Variants in NOS1AP observed in about 807,000 individuals in gnomAD.
The protein encoded by NOS1AP is nitric oxide synthase 1 adaptor protein, also known as carboxyl-terminal PDZ ligand of neuronal nitric oxide synthase protein.
A neutral mutation model predicts 56.2 loss-of-function variants in NOS1AP; 21 were observed. The ratio of observed to expected loss-of-function variants is 0.37; its 90% CI spans 0.26 to 0.54. NOS1AP has a LOEUF of 0.54. Among genes scored for constraint, NOS1AP ranks in the 20% least tolerant of loss-of-function variants. The pLI, the probability that NOS1AP is intolerant of heterozygous loss-of-function variation, is 0.84. For synonymous variants in NOS1AP, 270 were observed against 274.6 expected (o/e 0.98, Z 0.17); for missense variants, 522 against 657.8 (o/e 0.79, Z 2.26).
intron 4 of NOS1AP, among the ~76,000 whole-genome samples, chr1:162,321,731 A>AAAAAAATATAT (rs1480278757): frequency 4.7e-5 from 6 of 128,494 alleles, no homozygotes; most frequent in African/African-American, 1.4e-4. Context: ...AAAAAAAAAA[A>AAAAAAATATAT]ATATATATAT....
chr1:162,308,127 G>A (rs367864478), intron 4 of NOS1AP, among the ~76,000 whole-genome samples: 2 of 152,212 alleles, frequency 1.3e-5, no homozygotes, highest in Non-Finnish European at 2.9e-5. Context: ...ACTCAAGGCA[G>A]CACAAATTTG....
chr1:162,088,367 G>A (rs1239113766), intron 1 of NOS1AP, among the ~76,000 whole-genome samples: 6 of 152,158 alleles, frequency 3.9e-5, no homozygotes, highest in South Asian at 2.1e-4. Context: ...TATTTCATAT[G>A]TTCAGGCTGG....
intron 3 of NOS1AP, among the ~76,000 whole-genome samples, chr1:162,289,469 C>CTTTTT (rs60010458): frequency 7.0e-5 from 6 of 85,462 alleles, no homozygotes; most frequent in East Asian, 5.3e-4. Flanking sequence ...AGCTACTTTT[C>CTTTTT]TTTTTTTTTT....
At chr1:162,079,050 T>A (rs1691833506) in intron 1 of NOS1AP, among the ~76,000 whole-genome samples, 1 of 152,124 alleles carries the variant, frequency 6.6e-6, no homozygotes, top group African/African-American at 2.4e-5. Context: ...CCCTCCTGGG[T>A]CACCCAATGG....
At chr1:162,122,632 T>G (rs1425234438) in intron 1 of NOS1AP, among the ~76,000 whole-genome samples, 1 of 151,882 alleles carries the variant, frequency 6.6e-6, no homozygotes, top group Non-Finnish European at 1.5e-5. Context: ...CTCAGCCTCC[T>G]GATTAGCTGG....
chr1:162,212,039 A>T (rs1312885636), intron 2 of NOS1AP, among the ~76,000 whole-genome samples: 1 of 152,198 alleles, frequency 6.6e-6, no homozygotes, highest in Non-Finnish European at 1.5e-5. Context: ...TCTCTAGTCG[A>T]TGCTATAGCT....
intron 2 of NOS1AP, among the ~76,000 whole-genome samples, chr1:162,287,122 A>G (rs989800774): frequency 1.3e-5 from 2 of 152,102 alleles, no homozygotes; most frequent in Non-Finnish European, 2.9e-5. Context: ...TAGCTAGCTG[A>G]TGGCTGAGAA....
chr1:162,175,331 T>C (rs1194689110), intron 2 of NOS1AP, among the ~76,000 whole-genome samples: 1 of 152,260 alleles, frequency 6.6e-6, no homozygotes, highest in East Asian at 1.9e-4. Flanking sequence ...AGTCATTTAT[T>C]TATTTTTATC....
chr1:162,192,970 C>G (rs963368259), intron 2 of NOS1AP, among the ~76,000 whole-genome samples: 3 of 152,046 alleles, frequency 2.0e-5, no homozygotes, highest in African/African-American at 7.2e-5. Flanking sequence ...CACTTTGACC[C>G]CTGGTAAAAG....
chr1:162,283,719 C>T (rs1342703653), intron 2 of NOS1AP, among the ~76,000 whole-genome samples: 9 of 152,232 alleles, frequency 5.9e-5, no homozygotes, highest in Admixed American at 5.9e-4. Context: ...CAGACACTTT[C>T]CCCTGGCCTT....
intron 1 of NOS1AP, among the ~76,000 whole-genome samples, chr1:162,076,091 T>C (rs1236826175): frequency 6.6e-6 from 1 of 152,220 alleles, no homozygotes; most frequent in Non-Finnish European, 1.5e-5. Flanking sequence ...TGCCTACTCA[T>C]AATGCAGCTA....
At chr1:162,196,098 T>G (rs1189653864) in intron 2 of NOS1AP, among the ~76,000 whole-genome samples, 1 of 152,226 alleles carries the variant, frequency 6.6e-6, no homozygotes, top group Non-Finnish European at 1.5e-5. Context: ...CAGTTACCAG[T>G]GCCTCAGTGC....
In NOS1AP at chr1:162,356,926, A is replaced by G. The variant is rs369497699; in HGVS notation, c.763-34A>G. ...GAGGCCCCTCAAGATGGCTCCTGCC[A>G]CATGTCATGTCCTGTCTTCTCCTTC... On this transcript the variant is annotated intron_variant, in intron 7 of 9. Coordinates refer to ENST00000361897, the MANE Select transcript of NOS1AP (RefSeq NM_014697.3). The G allele has an allele frequency of 7.3e-4, 1,176 of 1,613,720 alleles. 1 individual carries two copies. Among genetic ancestry groups the G allele is most frequent in the Middle Eastern group, 2.1e-3 (13 of 6,060 alleles).
At chr1:162,205,443 C>CT (rs1652130993) in intron 2 of NOS1AP, among the ~76,000 whole-genome samples, 1 of 152,190 alleles carries the variant, frequency 6.6e-6, no homozygotes. Context: ...TGCCATACCA[C>CT]TTTTTTTCCT....
intron 1 of NOS1AP, among the ~76,000 whole-genome samples, chr1:162,086,701 C>A (rs1194268903): frequency 6.6e-6 from 1 of 152,158 alleles, no homozygotes; most frequent in African/African-American, 2.4e-5. Context: ...CCCTGACCAG[C>A]CGAACTGTCA....
chr1:162,261,974 T>G (rs1654255707), intron 2 of NOS1AP, among the ~76,000 whole-genome samples: 1 of 152,176 alleles, frequency 6.6e-6, no homozygotes, highest in Non-Finnish European at 1.5e-5. Flanking sequence ...CATACTGATA[T>G]AGGACTTACA....
At chr1:162,113,936 A>T (rs1558104724) in intron 1 of NOS1AP, among the ~76,000 whole-genome samples, 1 of 152,154 alleles carries the variant, frequency 6.6e-6, no homozygotes, top group Non-Finnish European at 1.5e-5. Flanking sequence ...AAACAATTTT[A>T]TGATTCTAAA....
At chr1:162,083,704 C>A (rs535407671) in intron 1 of NOS1AP, among the ~76,000 whole-genome samples, 1 of 152,298 alleles carries the variant, frequency 6.6e-6, no homozygotes, top group Admixed American at 6.5e-5. Context: ...GCAGCTTCCA[C>A]AGATGAAGGA....
At chr1:162,166,132 A>G (rs1170596362) in intron 2 of NOS1AP, among the ~76,000 whole-genome samples, 1 of 152,138 alleles carries the variant, frequency 6.6e-6, no homozygotes, top group Non-Finnish European at 1.5e-5. Context: ...CCTTCCTACC[A>G]GTGCAGCCCC....
Sources: allele counts gnomAD v4.1 joint callset (sites outside exome capture counted in the v4.1 genomes callset), GRCh38; gene constraint gnomAD v4.1.1; transcripts MANE v1.5; gene names NCBI Gene and HGNC (gene_info 2026-07-23, HGNC 2026-07-21).